AKT3: variants seen among roughly 807,000 people sequenced by gnomAD.
The protein encoded by AKT3 is RAC-gamma serine/threonine-protein kinase.
AKT3 carries 15 observed loss-of-function variants against 65.3 expected under a neutral mutation model. That is an observed-to-expected ratio of 0.23 (90% CI 0.15 to 0.35). The LOEUF (loss-of-function observed/expected upper bound fraction) is 0.35, where lower values mean the gene tolerates loss of function less well. Ranked by LOEUF, AKT3 falls within the 10% of genes least tolerant of loss-of-function variation. AKT3 has a pLI of 1.00. For synonymous variants in AKT3, 206 were observed against 183.8 expected, an observed-to-expected ratio of 1.12 and a Z score of -0.98; for missense variants, 243 against 576.5, an observed-to-expected ratio of 0.42 and a Z score of 5.92.
At position 243,499,894 on chromosome 1, in the gene AKT3, C is replaced by CGGTG; in HGVS notation, c.*5354_*5355insCACC. 1.9e-6 allele frequency: 2 copies of CGGTG among 1,059,734 alleles called. No homozygotes were observed. Among genetic ancestry groups the CGGTG allele is most frequent in the Non-Finnish European group, 2.9e-6 (2 of 697,692 alleles). 65.6% of individuals were successfully genotyped at this position (1,059,734 alleles called of 1,614,324 possible). On this transcript the variant is annotated 3_prime_UTR_variant, in exon 14 of 14. Coordinates refer to ENST00000673466, the MANE Select transcript of AKT3 (RefSeq NM_005465.7). ...CACGACCTTCCCAGGGTGACACCGC[C>CGGTG]TCAGCCTGCAGTGGGGCTGGTCCTC...
chr1:243,840,671 A>G (rs1161223204), intron 2 of AKT3, among the ~76,000 whole-genome samples: 2 of 151,990 alleles, frequency 1.3e-5, no homozygotes, highest in Admixed American at 1.3e-4. Flanking sequence ...AAAACTGGAA[A>G]GGGAATGTGA....
At chr1:243,717,274 G>A (rs1035099665) in intron 2 of AKT3, among the ~76,000 whole-genome samples, 8 of 152,142 alleles carry the variant, frequency 5.3e-5, no homozygotes, top group African/African-American at 1.9e-4. Flanking sequence ...TAGTATACTA[G>A]GTAATCGAAA....
intron 5 of AKT3, among the ~76,000 whole-genome samples, chr1:243,642,753 A>G (rs984302295): frequency 2.0e-5 from 3 of 152,212 alleles, no homozygotes; most frequent in African/African-American, 7.2e-5. Flanking sequence ...TGTTTTAGGT[A>G]AAGAGATACA....
Position 243,850,055 on chromosome 1 carries a change from C to CGGCGGT in AKT3, c.-134_-129dup. ...TGGCTGTTACCTGCAACGGCGGCGG[C>CGGCGGT]GGCGGTGGCGGCCCCGCAGCTGCTC... On this transcript the variant is annotated 5_prime_UTR_variant, in exon 1 of 14. Coordinates refer to ENST00000673466, the MANE Select transcript of AKT3 (RefSeq NM_005465.7). The CGGCGGT allele has an allele frequency of 2.1e-6, 2 of 966,826 alleles. No homozygotes were observed. Among genetic ancestry groups the CGGCGGT allele is most frequent in the Non-Finnish European group, 2.4e-6 (2 of 824,518 alleles). The allele number at this position is 966,826 out of a possible 1,614,324, so 59.9% of individuals were successfully genotyped here.
At chr1:243,703,317 A>G (rs1342001993) in intron 2 of AKT3, among the ~76,000 whole-genome samples, 1 of 152,196 alleles carries the variant, frequency 6.6e-6, no homozygotes, top group Admixed American at 6.5e-5. Flanking sequence ...TAAATATAAT[A>G]AGACATTTGC....
chr1:243,711,992 T>A (rs1686190714), intron 2 of AKT3, among the ~76,000 whole-genome samples: 1 of 152,228 alleles, frequency 6.6e-6, no homozygotes, highest in Non-Finnish European at 1.5e-5. Context: ...AAAGTTGGTA[T>A]AAGCTTGCTT....
intron 4 of AKT3, among the ~76,000 whole-genome samples, chr1:243,649,550 C>T (rs1312673989): frequency 6.6e-6 from 1 of 152,006 alleles, no homozygotes; most frequent in Admixed American, 6.6e-5. Context: ...TCTGCTAATG[C>T]TATCCCTCCC....
At chr1:243,820,118 A>C (rs1418305224) in intron 2 of AKT3, among the ~76,000 whole-genome samples, 1 of 152,118 alleles carries the variant, frequency 6.6e-6, no homozygotes, top group Non-Finnish European at 1.5e-5. Flanking sequence ...ACAGGGTTTC[A>C]CTGTGTTAGC....
intron 2 of AKT3, among the ~76,000 whole-genome samples, chr1:243,790,903 G>A (rs1346982352): frequency 6.6e-6 from 1 of 152,150 alleles, no homozygotes; most frequent in Non-Finnish European, 1.5e-5. Flanking sequence ...ATGGGTAATG[G>A]TTCGTGGTGC....
chr1:243,779,495 C>T (rs2148303025), intron 2 of AKT3, among the ~76,000 whole-genome samples: 1 of 152,140 alleles, frequency 6.6e-6, no homozygotes, highest in East Asian at 1.9e-4. Context: ...AACAGGAGAT[C>T]ATAAGGTTCC....
chr1:243,521,096 A>G (rs1454302496), intron 12 of AKT3, among the ~76,000 whole-genome samples: 1 of 152,136 alleles, frequency 6.6e-6, no homozygotes, highest in Non-Finnish European at 1.5e-5. Context: ...TCTTTCTTCT[A>G]TTGTTCCTTC....
At chr1:243,759,868 A>G (rs1021823151) in intron 2 of AKT3, among the ~76,000 whole-genome samples, 1 of 152,250 alleles carries the variant, frequency 6.6e-6, no homozygotes, top group Non-Finnish European at 1.5e-5. Context: ...TCCACTGAGA[A>G]CAATTTAAAA....
At chr1:243,582,760 T>C (rs762457004) in intron 8 of AKT3, among the ~76,000 whole-genome samples, 1 of 151,978 alleles carries the variant, frequency 6.6e-6, no homozygotes, top group Non-Finnish European at 1.5e-5. Context: ...CACATAACAG[T>C]ATTAGCTTTG....
downstream of AKT3, among the ~76,000 whole-genome samples, chr1:243,499,326 C>T (rs746170984): frequency 6.6e-5 from 10 of 152,072 alleles, no homozygotes; most frequent in African/African-American, 2.4e-4. Context: ...TATTGTTTCA[C>T]GAGGAATTTC....
At chr1:243,635,501 A>G (rs1679909330) in intron 6 of AKT3, among the ~76,000 whole-genome samples, 1 of 152,024 alleles carries the variant, frequency 6.6e-6, no homozygotes, top group Non-Finnish European at 1.5e-5. Flanking sequence ...AACAAAATTG[A>G]TAAACCCTTA....
chr1:243,645,354 T>C (rs931225046), intron 5 of AKT3, among the ~76,000 whole-genome samples: 3 of 152,146 alleles, frequency 2.0e-5, no homozygotes, highest in Admixed American at 6.5e-5. Flanking sequence ...AAAATATAAA[T>C]TCGTACTTAT....
intron 10 of AKT3, among the ~76,000 whole-genome samples, chr1:243,553,897 G>A (rs2148468412): frequency 6.6e-6 from 1 of 152,176 alleles, no homozygotes; most frequent in Admixed American, 6.5e-5. Context: ...TAATCTTAAA[G>A]CTTATTTTAT....
chr1:243,680,986 C>G (rs1449322805), intron 3 of AKT3, among the ~76,000 whole-genome samples: 1 of 152,124 alleles, frequency 6.6e-6, no homozygotes, highest in Admixed American at 6.5e-5. Flanking sequence ...ATTGCCCACA[C>G]TGGAAAACCT....
At chr1:243,830,265 G>C (rs1694420016) in intron 2 of AKT3, among the ~76,000 whole-genome samples, 2 of 152,124 alleles carry the variant, frequency 1.3e-5, no homozygotes, top group African/African-American at 4.8e-5. Flanking sequence ...GCATACAGGA[G>C]GGTGTGTGCA....
Sources: allele counts gnomAD v4.1 joint callset (sites outside exome capture counted in the v4.1 genomes callset), GRCh38; gene constraint gnomAD v4.1.1; transcripts MANE v1.5; gene names NCBI Gene and HGNC (gene_info 2026-07-23, HGNC 2026-07-21).